UGT1A6: variants seen among roughly 807,000 people sequenced by gnomAD.
The protein encoded by UGT1A6 is UDP-glucuronosyltransferase 1A6.
In UGT1A6, 32 loss-of-function variants were observed where a neutral mutation model predicts 44.4. The ratio of observed to expected loss-of-function variants is 0.72; its 90% confidence interval spans 0.54 to 0.97. UGT1A6 has a LOEUF of 0.97. Among genes scored for constraint, UGT1A6 ranks in the 50% least tolerant of loss-of-function variants. The pLI is 0.00. For synonymous variants in UGT1A6, 238 were observed against 248.5 expected (o/e 0.96, Z 0.40); for missense variants, 685 against 661.9 (o/e 1.03, Z -0.38).
At chr2:233,714,989 G>A (rs1270909733) in intron 1 of UGT1A6, among the ~76,000 whole-genome samples, 3 of 152,078 alleles carry the variant, frequency 2.0e-5, no homozygotes, top group South Asian at 2.1e-4. Flanking sequence ...TGATTCTCCT[G>A]CCTCAGCCTC....
At chr2:233,736,386 G>A (rs2078758058) in intron 1 of UGT1A6, among the ~76,000 whole-genome samples, 1 of 152,142 alleles carries the variant, frequency 6.6e-6, no homozygotes, top group South Asian at 2.1e-4. Context: ...CTTCTCTACA[G>A]TGTTTATTCT....
chr2:233,751,726 T>C (rs148405152), intron 1 of UGT1A6, among the ~76,000 whole-genome samples: 37 of 152,334 alleles, frequency 2.4e-4, no homozygotes, highest in Admixed American at 6.5e-4. Context: ...AAGTGAACTC[T>C]TCCTCTCTGT....
chr2:233,755,356 C>A (rs1290050168), intron 1 of UGT1A6: 4 of 377,426 alleles, frequency 1.1e-5, no homozygotes, highest in Admixed American at 3.8e-5. Flanking sequence ...GCTTGGCGAC[C>A]TGGGCCGCCT....
At chr2:233,711,149 C>T (rs562452811) in intron 1 of UGT1A6, among the ~76,000 whole-genome samples, 72 of 152,204 alleles carry the variant, frequency 4.7e-4, no homozygotes, top group Non-Finnish European at 8.1e-4. Flanking sequence ...TTGGGCTGCT[C>T]CTCCTATTTC....
At chr2:233,755,082 T>C (rs971081603) in intron 1 of UGT1A6, 16 of 1,336,710 alleles carry the variant, frequency 1.2e-5, no homozygotes, top group Middle Eastern at 2.1e-4. Context: ...GTCATAGATA[T>C]CGCGTTTCTA....
At chr2:233,755,468 T>G (rs1434722423) in intron 1 of UGT1A6, 4 of 241,190 alleles carry the variant, frequency 1.7e-5, no homozygotes, top group Non-Finnish European at 3.3e-5. Context: ...CTGCTCTCTG[T>G]GAGGCTCTGT....
chr2:233,711,449 G>C (rs1157119191), intron 1 of UGT1A6, among the ~76,000 whole-genome samples: 1 of 152,222 alleles, frequency 6.6e-6, no homozygotes, highest in Admixed American at 6.5e-5. Flanking sequence ...TTTTAAGGGG[G>C]TTGGAGGAAT....
At chr2:233,726,615 C>T (rs1260171777) in intron 1 of UGT1A6, among the ~76,000 whole-genome samples, 2 of 152,156 alleles carry the variant, frequency 1.3e-5, no homozygotes, top group Non-Finnish European at 2.9e-5. Flanking sequence ...CTGTCCTGCC[C>T]AGATACCCAG....
At chr2:233,712,884 C>T (rs1239216440) in intron 1 of UGT1A6, 1 of 1,600,688 alleles carries the variant, frequency 6.2e-7, no homozygotes, top group Non-Finnish European at 8.5e-7. Context: ...TCTTCAATTA[C>T]ATGTTGATTT....
chr2:233,718,037 G>C (rs1268815456), intron 1 of UGT1A6: 1 of 377,926 alleles, frequency 2.6e-6, no homozygotes, highest in Non-Finnish European at 5.2e-6. Context: ...CCTTTGGTGA[G>C]CAGGAGCTCC....
In UGT1A6 at chr2:233,743,625, C is replaced by T. The variant is rs201123763; in HGVS notation, c.862-23409C>T. On this transcript the variant is annotated intron_variant, in intron 1 of 4. Coordinates refer to ENST00000305139, the MANE Select transcript of UGT1A6 (RefSeq NM_001072.4). The stretch of plus-strand genomic sequence containing the variant: ...CCGCCGAAGAACTCCCTGAAGACGT[C>T]GGCTGGGTCGCGGAAGCTGAAGACG... The T allele has an allele frequency of 8.8e-5, 121 of 1,367,318 alleles. 1 individual carries two copies. Among genetic ancestry groups the T allele is most frequent in the Non-Finnish European group, 9.0e-5 (92 of 1,021,868 alleles). The allele number at this position is 1,367,318 out of a possible 1,614,324, so 84.7% of individuals were successfully genotyped here.
chr2:233,729,670 T>C, intron 1 of UGT1A6: 1 of 1,613,952 alleles, frequency 6.2e-7, no homozygotes, highest in Non-Finnish European at 8.5e-7. Context: ...TGATTTAGAC[T>C]TTAAGGGCAC....
rs144721642 is a variant in UGT1A6, at chr2:233,760,960, G to A, written c.862-6074G>A. 13 of 1,614,166 alleles carry A rather than the reference G, an allele frequency of 8.1e-6. No homozygotes were observed. Among genetic ancestry groups the A allele is most frequent in the African/African-American group, 5.3e-5 (4 of 75,032 alleles). On this transcript the variant is annotated intron_variant, in intron 1 of 4. Coordinates refer to ENST00000305139, the MANE Select transcript of UGT1A6 (RefSeq NM_001072.4). The stretch of plus-strand genomic sequence containing the variant: ...CTTTTCACAGAACTTTCTGTGCGAC[G>A]TGGTTTATTCCCCGTATGCAACCCT...
intron 1 of UGT1A6, among the ~76,000 whole-genome samples, chr2:233,734,121 TA>T (rs1021409062): frequency 6.6e-6 from 1 of 151,862 alleles, no homozygotes; most frequent in African/African-American, 2.4e-5. Context: ...ATAATAATAA[TA>T]AAAAGAATTT....
chr2:233,758,177 A>G (rs1696814164), intron 1 of UGT1A6, among the ~76,000 whole-genome samples: 1 of 152,208 alleles, frequency 6.6e-6, no homozygotes, highest in African/African-American at 2.4e-5. Flanking sequence ...TTCAGAGCAG[A>G]TATTAATTGG....
At chr2:233,711,398 T>G (rs2076179015) in intron 1 of UGT1A6, among the ~76,000 whole-genome samples, 1 of 152,210 alleles carries the variant, frequency 6.6e-6, no homozygotes, top group Non-Finnish European at 1.5e-5. Flanking sequence ...TGTTCCACCC[T>G]CACCCCGGGC....
chr2:233,765,343 C>G (rs189255390), intron 1 of UGT1A6, among the ~76,000 whole-genome samples: 22 of 152,252 alleles, frequency 1.4e-4, no homozygotes, highest in African/African-American at 5.3e-4. Flanking sequence ...ATAACAAAGT[C>G]ATGGAACCAA....
intron 1 of UGT1A6, among the ~76,000 whole-genome samples, chr2:233,737,484 A>G (rs561393011): frequency 6.6e-6 from 1 of 152,316 alleles, no homozygotes; most frequent in East Asian, 1.9e-4. Context: ...TGTCTAGGAA[A>G]GGGAAATCCC....
chr2:233,719,749 T>G, intron 1 of UGT1A6: 1 of 1,612,804 alleles, frequency 6.2e-7, no homozygotes, highest in South Asian at 1.1e-5. Flanking sequence ...AAAAATGTAT[T>G]TACTTACAAG....
Sources: gnomAD v4.1 joint callset for allele counts (sites outside exome capture counted in the v4.1 genomes callset) on GRCh38, gnomAD v4.1.1 for gene constraint, MANE v1.5 for transcripts, NCBI Gene and HGNC (gene_info 2026-07-23, HGNC 2026-07-21) for gene names.